Variants in SNAPC4 observed in about 807,000 individuals in gnomAD.
The protein encoded by SNAPC4 is small nuclear RNA activating complex polypeptide 4.
A neutral mutation model predicts 151.3 loss-of-function variants in SNAPC4; 127 were observed. The observed-to-expected ratio is 0.84, with a 90% CI of 0.73 to 0.97. The LOEUF is 0.97. Among genes scored for constraint, SNAPC4 ranks in the 50% least tolerant of loss-of-function variants. SNAPC4 has a pLI of 0.00. For missense variants in SNAPC4, 2,186 were observed against 1,935.0 expected (o/e 1.13, Z -2.43); for synonymous variants, 1,002 against 824.4 (o/e 1.22, Z -3.69).
Position 136,383,891 on chromosome 9 carries a change from T to G in SNAPC4, c.1500+62A>C. 3.0e-6 allele frequency: 4 copies of G among 1,343,990 alleles called. No homozygotes were observed. The highest frequency in any genetic ancestry group is 4.3e-6 in the Non-Finnish European group (4 of 937,684). 83.3% of individuals were successfully genotyped at this position (1,343,990 alleles called of 1,614,324 possible). ...CCTCCCCTCCCCTCCTCCTGCCTGC[T>G]GGACCCCCCAGTTGACCAGGCCATT... On this transcript the variant is annotated intron_variant, in intron 15 of 23. Transcript: ENST00000684778. The surrounding 1 kb of genome is among the most constrained non-coding windows in gnomAD (Gnocchi z 4.2).
In SNAPC4 at chr9:136,377,564, C is replaced by G. The variant is rs767213375; in HGVS notation, c.4263G>C (p.Thr1421=). The G allele has an allele frequency of 2.6e-6, 4 of 1,517,584 alleles. No homozygotes were observed. Among genetic ancestry groups the G allele is most frequent in the Non-Finnish European group, 3.5e-6 (4 of 1,131,906 alleles). The allele number at this position is 1,517,584 out of a possible 1,614,324, so 94.0% of individuals were successfully genotyped here. A position where few individuals can be genotyped will look rare whatever the true frequency, so the allele number is the denominator to read the frequency against. The change falls in exon 22 of 24, where the codon ACG becomes ACC. Residue 1421 remains threonine (T), a synonymous_variant. Coordinates refer to ENST00000684778, the MANE Select transcript of SNAPC4 (RefSeq NM_003086.4). ...LADRDGQPGC[T]TATCPIQGAP... ...CTACCTGAATGGGGCATGTGGCTGT[C>G]GTGCAGCCCGGCTGCCCGTCCCTGT...
chr9:136,376,572 G>A, intron 22 of SNAPC4, 91 bp from the exon 23 acceptor site: 1 of 1,497,780 alleles, frequency 6.7e-7, no homozygotes, highest in African/African-American at 1.4e-5. Context: ...GGCCCTGTGG[G>A]TGAGTGTCCC....
At chr9:136,382,229 G>C in intron 17 of SNAPC4, 24 bp downstream of exon 17, 8 of 1,610,074 alleles carry the variant, frequency 5.0e-6, no homozygotes, top group Non-Finnish European at 6.8e-6. Flanking sequence ...TGGCGTGCGC[G>C]TGGGTGTCTG....
Position 136,392,907 on chromosome 9 carries a change from C to G in SNAPC4, c.633-130G>C. 4 of 739,998 alleles carry G rather than the reference C, an allele frequency of 5.4e-6. No homozygotes were observed. The South Asian group carries it at 6.7e-5, about 12-fold the overall frequency. The allele number at this position is 739,998 out of a possible 1,614,324, so 45.8% of individuals were successfully genotyped here. A position where few individuals can be genotyped will look rare whatever the true frequency, so the allele number is the denominator to read the frequency against. ...CGAGCCTCCCTCACCCTCCCTGCCT[C>G]GGCCTCCTCACCCATGAGGGAAGCT... On this transcript the variant is annotated intron_variant, in intron 7 of 23. Coordinates refer to ENST00000684778, the MANE Select transcript of SNAPC4 (RefSeq NM_003086.4).
intron 11 of SNAPC4, 132 bp from the exon 12 acceptor site, chr9:136,387,980 A>C (rs1464293614): frequency 3.1e-6 from 2 of 647,512 alleles, no homozygotes; most frequent in East Asian, 5.4e-5. Flanking sequence ...GAAAAGAATC[A>C]CTTTGGCCAG....
intron 2 of SNAPC4, among the ~76,000 whole-genome samples, chr9:136,397,369 G>C (rs902891999): frequency 1.5e-4 from 23 of 151,748 alleles, no homozygotes; most frequent in African/African-American, 5.1e-4. Context: ...CGGTCAGATG[G>C]GAGGCACGGA....
At chr9:136,379,496 G>A (rs1342491977) in intron 21 of SNAPC4, among the ~76,000 whole-genome samples, 197 bp from the exon 22 acceptor site, 1 of 152,232 alleles carries the variant, frequency 6.6e-6, no homozygotes, top group Non-Finnish European at 1.5e-5. Context: ...CAAAGCCAGG[G>A]CAGTGGGCAC....
chr9:136,382,422 T>C, intron 16 of SNAPC4, 86 bp from the exon 17 acceptor site: 1 of 1,123,932 alleles, frequency 8.9e-7, no homozygotes, highest in Non-Finnish European at 1.3e-6. Context: ...CACGACTGCC[T>C]CTTCACCCAG....
At chr9:136,381,762 GA>G in intron 18 of SNAPC4, 61 bp downstream of exon 18, 1 of 1,557,146 alleles carries the variant, frequency 6.4e-7, no homozygotes, top group African/African-American at 1.4e-5. Flanking sequence ...TGCTAGGCTG[GA>G]TGTACTCTTC....
chr9:136,395,728 G>A lies in SNAPC4; in HGVS notation c.220C>T (p.Pro74Ser). 6.2e-7 allele frequency: 1 copy of A among 1,613,558 alleles called. No individual in the cohort carries two copies. ...TCTTCAGGGAGGGTTTTATCCTTGG[G>A]ATCGTCCTCGTCATTGCTGGCTTCG... ...WGEASNDEDD[P>S]KDKTLPEDPE... Residue 74 changes from proline to serine, a missense_variant, in exon 4 of 24, where the codon CCC becomes TCC. Physicochemically the swap from Pro to Ser is moderately conservative, Grantham distance 74. Transcript: ENST00000684778.
chr9:136,382,223 G>A (rs3812572), intron 17 of SNAPC4, 30 bp downstream of exon 17: 56,246 of 1,607,928 alleles, frequency 0.035, 1,235 homozygotes, highest in East Asian at 0.11. Context: ...ACGTGGTGGC[G>A]TGCGCGTGGG....
At position 136,379,153 on chromosome 9, in the gene SNAPC4, T is replaced by C; in HGVS notation, c.2674A>G (p.Thr892Ala). The C allele has an allele frequency of 6.3e-7, 1 of 1,584,730 alleles. No individual in the cohort carries two copies. The highest frequency in any genetic ancestry group is 8.6e-7 in the Non-Finnish European group (1 of 1,166,516). ...ASTGPRPKPKTVSELLQEKRL... is the reference protein window; with the variant it reads ...ASTGPRPKPKAVSELLQEKRL... ...TTCTCCTGAAGCAGCTCCGACACAG[T>C]CTTGGGCTTGGGCCGGGGGCCGGTT... Residue 892 changes from threonine to alanine, a missense_variant, in exon 22 of 24, where the codon ACT (threonine) becomes GCT (alanine). By Grantham distance (58) the Thr-to-Ala change is moderately conservative. Coordinates refer to ENST00000684778, the MANE Select transcript of SNAPC4 (RefSeq NM_003086.4).
Position 136,377,645 on chromosome 9 carries a change from C to T in SNAPC4, c.4182G>A (p.Ser1394=), listed in dbSNP as rs533786159. The T allele has an allele frequency of 3.7e-5, 59 of 1,592,724 alleles. No individual in the cohort carries two copies. In the South Asian group the frequency reaches 5.9e-4, roughly 16 times the overall value. ...QGVRTTLSVP[S]RVGSESEDED... is the part of the protein sequence containing the mutation. ...CATCCTCACTCTCAGAGCCCACCCTCGAAGGTACTGAGAGGGTGGTGCGGA... is the reference window on the plus strand; with the variant it reads ...CATCCTCACTCTCAGAGCCCACCCTTGAAGGTACTGAGAGGGTGGTGCGGA... The change falls in exon 22 of 24, where the codon TCG becomes TCA. Residue 1394 remains serine, a synonymous_variant. Coordinates refer to ENST00000684778, the MANE Select transcript of SNAPC4 (RefSeq NM_003086.4).
chr9:136,377,822 GCCC>G lies in SNAPC4; in HGVS notation c.4002_4004del (p.Gly1335del), dbSNP rs749900519. ...GTGCTCCGGCCGGCCGCTCAGCCTC[GCCC>G]CCCACCACCAGGGAGGTGGCCTTGT... On this transcript the variant is annotated inframe_deletion, in exon 22 of 24. Coordinates refer to ENST00000684778, the MANE Select transcript of SNAPC4 (RefSeq NM_003086.4). 8 of 1,611,336 alleles carry G rather than the reference GCCC, an allele frequency of 5.0e-6. No homozygotes were observed. The highest frequency in any genetic ancestry group is 2.2e-5 in the South Asian group (2 of 91,074).
At position 136,383,861 on chromosome 9, in the gene SNAPC4, G is replaced by A. The variant is rs1175301876; in HGVS notation, c.1500+92C>T. ...GAAATGCCAAGACCAGAAACCGAAC[G>A]CCCCCCTCCCCTCCCCTCCTCCTGC... On this transcript the variant is annotated intron_variant, in intron 15 of 23. Transcript: ENST00000684778. The surrounding 1 kb of genome is among the most constrained non-coding windows in gnomAD (Gnocchi z 4.2). The A allele has an allele frequency of 1.1e-5, 14 of 1,319,846 alleles. No homozygotes were observed. Among genetic ancestry groups the A allele is most frequent in the Admixed American group, 1.9e-5 (1 of 53,254 alleles). The allele number at this position is 1,319,846 out of a possible 1,614,324, so 81.8% of individuals were successfully genotyped here.
chr9:136,386,604 T>G (rs1255335448), intron 13 of SNAPC4, among the ~76,000 whole-genome samples: 1 of 148,110 alleles, frequency 6.8e-6, no homozygotes, highest in Non-Finnish European at 1.5e-5. Flanking sequence ...CCGGCTAATT[T>G]TGTATTTTTA....
At chr9:136,388,092 A>T (rs1564388608) in intron 11 of SNAPC4, among the ~76,000 whole-genome samples, 1 of 152,112 alleles carries the variant, frequency 6.6e-6, no homozygotes, top group Non-Finnish European at 1.5e-5. Flanking sequence ...ACATGGTGAA[A>T]CCCCGTCTCT....
chr9:136,379,167 C>T lies in SNAPC4; in HGVS notation c.2660G>A (p.Arg887Gln), dbSNP rs748731391. The T allele has an allele frequency of 1.2e-4, 190 of 1,590,506 alleles. No homozygotes were observed. The highest frequency in any genetic ancestry group is 1.8e-4 in the Admixed American group (10 of 55,234). ...QASLLASTGP[R>Q]PKPKTVSELL... Reference sequence around the variant, plus strand: ...CTCCGACACAGTCTTGGGCTTGGGCCGGGGGCCGGTTGAAGCCAGCAGGGA... The same window carrying T: ...CTCCGACACAGTCTTGGGCTTGGGCTGGGGGCCGGTTGAAGCCAGCAGGGA... The change falls in exon 22 of 24, where the codon CGG becomes CAG. Residue 887 changes from arginine to glutamine, a missense_variant. Coordinates refer to ENST00000684778, the MANE Select transcript of SNAPC4 (RefSeq NM_003086.4).
Position 136,400,165 on chromosome 9 carries a change from G to A in SNAPC4, c.-41C>T, listed in dbSNP as rs1834408419. The A allele has an allele frequency of 6.6e-6, 1 of 152,114 alleles. No individual in the cohort carries two copies. The highest frequency in any genetic ancestry group is 6.5e-5 in the Admixed American group (1 of 15,276). 9.4% of individuals were successfully genotyped at this position (152,114 alleles called of 1,614,324 possible). A position where few individuals can be genotyped will look rare whatever the true frequency, so the allele number is the denominator to read the frequency against. ...GCGCGGACCCCGCCGTCGCCCGGGC[G>A]ACTGCAGACTCGACGCTTCCGGCGG... On this transcript the variant is annotated 5_prime_UTR_variant, in exon 1 of 24. Transcript: ENST00000684778.
Sources: allele counts gnomAD v4.1 joint callset (sites outside exome capture counted in the v4.1 genomes callset), GRCh38; gene constraint gnomAD v4.1.1; non-coding constraint Gnocchi (gnomAD v3.1); transcripts MANE v1.5; gene names NCBI Gene and HGNC (gene_info 2026-07-23, HGNC 2026-07-21).